KLHL5: variants seen among roughly 807,000 people sequenced by gnomAD.
KLHL5 encodes kelch like family member 5.
Under a neutral mutation model 77.7 loss-of-function variants are expected in KLHL5, and 48 were observed. That is an observed-to-expected ratio of 0.62 (90% CI 0.49 to 0.79). The LOEUF is 0.79. Among genes scored for constraint, KLHL5 ranks in the 30% least tolerant of loss-of-function variants. The pLI is 0.00. For synonymous variants in KLHL5, 260 were observed against 297.0 expected (o/e 0.88, Z 1.28); for missense variants, 723 against 859.7 (o/e 0.84, Z 1.99).
chr4:39,077,208 C>T (rs2115918), intron 2 of KLHL5, among the ~76,000 whole-genome samples: 114,696 of 151,842 alleles, frequency 0.76, 43,329 homozygotes, highest in East Asian at 0.82. Flanking sequence ...CCTGTAATCC[C>T]AGCACTTTAG....
At chr4:39,127,690 C>T (rs902985342), downstream of KLHL5, among the ~76,000 whole-genome samples, 10 of 151,988 alleles carry the variant, frequency 6.6e-5, no homozygotes, top group African/African-American at 2.4e-4. Context: ...GTTTCAGACT[C>T]CTGTGCTCAA....
At chr4:39,046,029 A>G (rs1005131567) in intron 1 of KLHL5, among the ~76,000 whole-genome samples, 2 of 136,280 alleles carry the variant, frequency 1.5e-5, no homozygotes, top group African/African-American at 2.6e-5. Context: ...CAAAAAACCA[A>G]TCATGACTTT....
At position 39,107,593 on chromosome 4, in the gene KLHL5, T is replaced by C; in HGVS notation, c.1550T>C (p.Met517Thr). 2.5e-6 allele frequency: 4 copies of C among 1,612,170 alleles called. No homozygotes were observed. Among genetic ancestry groups the C allele is most frequent in the South Asian group, 1.1e-5 (1 of 90,882 alleles). The change falls in exon 8 of 11, where the codon ATG becomes ACG. Residue 517 changes from methionine to threonine, a missense_variant. Transcript: ENST00000504108. ...GGTGTGGCTGTACTGGAAGGTCCCATGTATGCCGTAGGAGGACATGATGGC... is the reference window on the plus strand; with the variant it reads ...GGTGTGGCTGTACTGGAAGGTCCCACGTATGCCGTAGGAGGACATGATGGC... The part of the protein sequence containing the change: ...GLGVAVLEGP[M>T]YAVGGHDGWS...
At chr4:39,066,541 A>G (rs1293459361) in intron 1 of KLHL5, among the ~76,000 whole-genome samples, 2 of 152,192 alleles carry the variant, frequency 1.3e-5, no homozygotes, top group East Asian at 3.8e-4. Flanking sequence ...TGGAAAAGCA[A>G]CATGCATTCA....
intron 6 of KLHL5, among the ~76,000 whole-genome samples, chr4:39,099,483 G>C (rs994226241): frequency 1.3e-5 from 2 of 152,074 alleles, no homozygotes; most frequent in African/African-American, 4.8e-5. Flanking sequence ...TCTGATGTCA[G>C]CTCATTCTAT....
the KLHL5 span, among the ~76,000 whole-genome samples, chr4:39,133,038 A>C: frequency 6.6e-6 from 1 of 152,212 alleles, no homozygotes; most frequent in Non-Finnish European, 1.5e-5. Flanking sequence ...CACACTGGTG[A>C]CAAGTCGTCT....
chr4:39,071,835 A>C (rs1360022659), intron 1 of KLHL5, among the ~76,000 whole-genome samples: 1 of 152,222 alleles, frequency 6.6e-6, no homozygotes, highest in Non-Finnish European at 1.5e-5. Context: ...GTAGACTAGA[A>C]ATATTCAGCA....
chr4:39,125,748 T>C lies in KLHL5; in HGVS notation c.*4682T>C, dbSNP rs1723501120. On this transcript the variant is annotated 3_prime_UTR_variant, in exon 11 of 11. Transcript: ENST00000504108. ...GAGTTTCCTTCTAGGGTGATGAAAATGTTCTGGAACTACTTATTGGGGATG... is the reference window on the plus strand; with the variant it reads ...GAGTTTCCTTCTAGGGTGATGAAAACGTTCTGGAACTACTTATTGGGGATG... Among the ~76,000 whole-genome samples the C allele has an allele frequency of 6.6e-6, 1 of 152,132 alleles. No individual in the cohort carries two copies. The highest frequency in any genetic ancestry group is 2.1e-4 in the South Asian group (1 of 4,828).
chr4:39,047,054 A>AACT (rs1716244526), intron 1 of KLHL5, among the ~76,000 whole-genome samples: 1 of 152,212 alleles, frequency 6.6e-6, no homozygotes, highest in African/African-American at 2.4e-5. Flanking sequence ...TTAAAGCGGG[A>AACT]TGTATTTTGT....
rs1577682930 is a variant in KLHL5, at chr4:39,081,781, C to T, written c.704-182C>T. ...TTAGTTTTTATTTTAGTAGATGTCT[C>T]AAGGAGCTAATAATTTTTTCCCCAT... is the stretch of plus-strand genomic sequence containing the variant. On this transcript the variant is annotated intron_variant, in intron 3 of 10. Coordinates refer to ENST00000504108, the MANE Select transcript of KLHL5 (RefSeq NM_015990.5). This position sits in a 1 kb window ranked among gnomAD's most constrained non-coding sequence, Gnocchi z 4.3. Among the ~76,000 whole-genome samples, 2 of 152,080 alleles carry T rather than the reference C, an allele frequency of 1.3e-5. No homozygotes were observed. Among genetic ancestry groups the T allele is most frequent in the South Asian group, 2.1e-4 (1 of 4,824 alleles).
At chr4:39,059,621 G>C (rs966704055), upstream of KLHL5, among the ~76,000 whole-genome samples, 1 of 152,124 alleles carries the variant, frequency 6.6e-6, no homozygotes, top group Non-Finnish European at 1.5e-5. Context: ...GGTGGTGCAC[G>C]CATGTAATCC....
At chr4:39,114,354 T>C (rs1295121064) in intron 9 of KLHL5, among the ~76,000 whole-genome samples, 1 of 152,208 alleles carries the variant, frequency 6.6e-6, no homozygotes, top group African/African-American at 2.4e-5. Flanking sequence ...CAGGAACTAA[T>C]GCATTCACAC....
At chr4:39,102,860 C>G (rs1014961420) in intron 6 of KLHL5, among the ~76,000 whole-genome samples, 1 of 152,238 alleles carries the variant, frequency 6.6e-6, no homozygotes, top group African/African-American at 2.4e-5. Flanking sequence ...GAACCTCCCC[C>G]TGAAGTCATC....
At position 39,079,031 on chromosome 4, in the gene KLHL5, G is replaced by A. The variant is rs759991323; in HGVS notation, c.567-2072G>A. On this transcript the variant is annotated intron_variant, in intron 2 of 10. Transcript: ENST00000504108. Reference sequence around the variant, plus strand: ...ATACTACTATGTACTGTGACAGAAAGTCCAGGTTATGAACGTGGGTTTGTT... The same window carrying A: ...ATACTACTATGTACTGTGACAGAAAATCCAGGTTATGAACGTGGGTTTGTT... 2.6e-5 allele frequency among the ~76,000 whole-genome samples: 4 copies of A among 152,174 alleles called. 1 individual carries two copies. Among genetic ancestry groups the A allele is most frequent in the Non-Finnish European group, 5.9e-5 (4 of 68,014 alleles).
At position 39,124,261 on chromosome 4, in the gene KLHL5, A is replaced by G. The variant is rs1452673072; in HGVS notation, c.*3195A>G. 6.6e-6 allele frequency among the ~76,000 whole-genome samples: 1 copy of G among 152,178 alleles called. No homozygotes were observed. Among genetic ancestry groups the G allele is most frequent in the Non-Finnish European group, 1.5e-5 (1 of 68,024 alleles). ...AAAATTAGTCTATAGATTTAATACA[A>G]TCCCCATTAAAATTCCAGTGACCCT... is the stretch of plus-strand genomic sequence containing the variant. On this transcript the variant is annotated 3_prime_UTR_variant, in exon 11 of 11. Coordinates refer to ENST00000504108, the MANE Select transcript of KLHL5 (RefSeq NM_015990.5).
At chr4:39,097,008 A>AT (rs1217075846) in intron 6 of KLHL5, 130 bp downstream of exon 6, 1 of 702,078 alleles carries the variant, frequency 1.4e-6, no homozygotes, top group South Asian at 1.8e-5. Context: ...GTACCAGATA[A>AT]TTGTGTAACA....
intron 8 of KLHL5, among the ~76,000 whole-genome samples, chr4:39,110,485 G>T (rs924136041): frequency 2.0e-5 from 3 of 151,948 alleles, no homozygotes; most frequent in African/African-American, 7.3e-5. Context: ...TTGAGACAGG[G>T]TCTAGCTCTG....
chr4:39,101,126 T>TATACATATATATA (rs1553892884), intron 6 of KLHL5, among the ~76,000 whole-genome samples: 35,627 of 134,464 alleles, frequency 0.26, 5,886 homozygotes, highest in Middle Eastern at 0.37. Context: ...TATTTGGATT[T>TATACATATATATA]TATATATATA....
chr4:39,067,186 C>T (rs1460486511), intron 1 of KLHL5, among the ~76,000 whole-genome samples: 1 of 152,138 alleles, frequency 6.6e-6, no homozygotes, highest in Non-Finnish European at 1.5e-5. Context: ...GTCTCCTTAG[C>T]CTCCTCTTGG....
Sources: allele counts gnomAD v4.1 joint callset (sites outside exome capture counted in the v4.1 genomes callset), GRCh38; gene constraint gnomAD v4.1.1; non-coding constraint Gnocchi (gnomAD v3.1); transcripts MANE v1.5; gene names NCBI Gene and HGNC (gene_info 2026-07-23, HGNC 2026-07-21).